The following RAPGEF4 variants were observed in gnomAD, a reference collection of about 807,000 sequenced individuals.
RAPGEF4 encodes the protein RAP guanine-nucleotide-exchange factor (GEF) 4.
In RAPGEF4, 66 loss-of-function variants were observed where a neutral mutation model predicts 147.9. That is an observed-to-expected ratio of 0.45 (90% CI 0.37 to 0.55). RAPGEF4 has a LOEUF of 0.55. Among genes scored for constraint, RAPGEF4 ranks in the 20% least tolerant of loss-of-function variants. RAPGEF4 has a pLI of 0.00. For missense variants in RAPGEF4, 1,071 were observed against 1,257.3 expected (o/e 0.85, Z 2.24); for synonymous variants, 419 against 442.7 (o/e 0.95, Z 0.67).
chr2:172,947,297 A>G (rs779713875), intron 6 of RAPGEF4, among the ~76,000 whole-genome samples: 1 of 152,224 alleles, frequency 6.6e-6, no homozygotes, highest in Non-Finnish European at 1.5e-5. Flanking sequence ...TTAATAACAT[A>G]TGGACTTCAA....
chr2:172,914,161 G>A lies in RAPGEF4; in HGVS notation c.445-3641G>A, dbSNP rs185909490. ...TCATCGTCTCAGAAAATAACCCAGT[G>A]TCCTCTACTAATGGACATTTGAGTA... On this transcript the variant is annotated intron_variant, in intron 4 of 30. Transcript: ENST00000397081. 3.3e-3 allele frequency among the ~76,000 whole-genome samples: 497 copies of A among 152,064 alleles called. 3 individuals carry two copies. Among genetic ancestry groups the A allele is most frequent in the Non-Finnish European group, 4.6e-3 (315 of 68,008 alleles).
chr2:172,756,865 C>G (rs1695828183), intron 1 of RAPGEF4, among the ~76,000 whole-genome samples: 1 of 152,190 alleles, frequency 6.6e-6, no homozygotes. Context: ...CAGAGTGAAA[C>G]TCACAGAGTT....
chr2:173,004,949 C>T (rs1396968842), intron 17 of RAPGEF4, among the ~76,000 whole-genome samples: 1 of 151,670 alleles, frequency 6.6e-6, no homozygotes, highest in African/African-American at 2.4e-5. Flanking sequence ...TTTCCATAAA[C>T]ATTTACTGAC....
intron 9 of RAPGEF4, among the ~76,000 whole-genome samples, chr2:172,966,379 T>G (rs1689845487): frequency 6.6e-6 from 1 of 152,242 alleles, no homozygotes; most frequent in South Asian, 2.1e-4. Context: ...TGCATACATG[T>G]CACCTGGGAC....
Position 172,814,396 on chromosome 2 carries a change from G to A in RAPGEF4, c.415G>A (p.Glu139Lys), listed in dbSNP as rs377537434. Residue 139 changes from glutamate (E) to lysine (K), a missense_variant, in exon 4 of 31, where the codon GAG becomes AAG. Physicochemically the swap from Glu to Lys is moderately conservative, Grantham distance 56. Transcript: ENST00000397081. ...GGAGAGCAGTGAACTGCTCCGCATC[G>A]AGCAGAAGGACTTCAAGGCACTATG... ...TRESSELLRI[E>K]QKDFKALWEK... The A allele has an allele frequency of 4.5e-5, 73 of 1,614,154 alleles. No homozygotes were observed. Among genetic ancestry groups the A allele is most frequent in the South Asian group, 7.7e-5 (7 of 91,076 alleles).
intron 1 of RAPGEF4, among the ~76,000 whole-genome samples, chr2:172,789,864 T>C (rs1023540516): frequency 6.6e-6 from 1 of 152,244 alleles, no homozygotes; most frequent in Non-Finnish European, 1.5e-5. Context: ...ATTTATCTAC[T>C]GATAGGCATT....
At chr2:172,923,295 G>A (rs1353923719) in intron 6 of RAPGEF4, among the ~76,000 whole-genome samples, 2 of 152,118 alleles carry the variant, frequency 1.3e-5, no homozygotes, top group Non-Finnish European at 2.9e-5. Context: ...TTGTGATGGA[G>A]TCTCACTCTG....
At chr2:172,984,883 T>G (rs1378873846) in intron 11 of RAPGEF4, among the ~76,000 whole-genome samples, 1 of 152,114 alleles carries the variant, frequency 6.6e-6, no homozygotes, top group Non-Finnish European at 1.5e-5. Context: ...CTTAGGAAGA[T>G]AGAGCCATGA....
intron 6 of RAPGEF4, among the ~76,000 whole-genome samples, chr2:172,944,853 T>C (rs1281512340): frequency 6.6e-6 from 1 of 152,168 alleles, no homozygotes; most frequent in Non-Finnish European, 1.5e-5. Flanking sequence ...TCATTGTACT[T>C]GCAGATGTTG....
chr2:172,842,416 G>A (rs758060758), intron 4 of RAPGEF4, among the ~76,000 whole-genome samples: 1 of 152,188 alleles, frequency 6.6e-6, no homozygotes, highest in Admixed American at 6.5e-5. Flanking sequence ...CAAATGTAGT[G>A]CCTTGAAACA....
chr2:173,025,932 A>G (rs1490311120), intron 23 of RAPGEF4, among the ~76,000 whole-genome samples: 4 of 152,268 alleles, frequency 2.6e-5, no homozygotes, highest in African/African-American at 4.8e-5. Context: ...GGTCTTCCAG[A>G]AAGTAGCAGA....
intron 15 of RAPGEF4, among the ~76,000 whole-genome samples, chr2:172,995,371 C>T (rs1693247762): frequency 6.6e-6 from 1 of 151,706 alleles, no homozygotes; most frequent in Non-Finnish European, 1.5e-5. Context: ...CCTCCGCCTC[C>T]CGGGTTCAAG....
At chr2:172,743,785 C>G (rs1198479040) in intron 1 of RAPGEF4, among the ~76,000 whole-genome samples, 3 of 152,160 alleles carry the variant, frequency 2.0e-5, no homozygotes, top group Non-Finnish European at 4.4e-5. Flanking sequence ...GAGTTACTAC[C>G]CGAGGCCCGG....
intron 4 of RAPGEF4, among the ~76,000 whole-genome samples, chr2:172,868,249 A>G (rs868863930): frequency 3.3e-5 from 5 of 152,182 alleles, no homozygotes; most frequent in African/African-American, 9.7e-5. Flanking sequence ...TATTCACCCA[A>G]CTCATATCCT....
At chr2:172,844,178 C>G (rs908522738) in intron 4 of RAPGEF4, among the ~76,000 whole-genome samples, 24 of 152,196 alleles carry the variant, frequency 1.6e-4, no homozygotes, top group African/African-American at 5.5e-4. Context: ...CGTGTCCAGA[C>G]TTGGGGACTT....
chr2:172,900,426 G>T (rs1293224746), intron 4 of RAPGEF4, among the ~76,000 whole-genome samples: 2 of 152,122 alleles, frequency 1.3e-5, no homozygotes, highest in Non-Finnish European at 2.9e-5. Context: ...TTTTTGTAGA[G>T]ATGGGTCTTG....
intron 1 of RAPGEF4, among the ~76,000 whole-genome samples, chr2:172,766,783 C>G (rs866410925): frequency 1.3e-5 from 2 of 152,128 alleles, no homozygotes; most frequent in African/African-American, 4.8e-5. Context: ...TTAATAGATA[C>G]TCTTTTCTGT....
intron 4 of RAPGEF4, among the ~76,000 whole-genome samples, chr2:172,888,974 C>G (rs1436597381): frequency 6.6e-6 from 1 of 152,126 alleles, no homozygotes; most frequent in Non-Finnish European, 1.5e-5. Context: ...TAAAGGTGAA[C>G]TTTAATTGAC....
At chr2:172,885,090 C>T (rs1029979151) in intron 4 of RAPGEF4, among the ~76,000 whole-genome samples, 1 of 152,222 alleles carries the variant, frequency 6.6e-6, no homozygotes, top group Non-Finnish European at 1.5e-5. Flanking sequence ...GGGATATTCA[C>T]AGCCCAACAA....
Sources: allele counts gnomAD v4.1 joint callset (sites outside exome capture counted in the v4.1 genomes callset), GRCh38; gene constraint gnomAD v4.1.1; transcripts MANE v1.5; gene names NCBI Gene and HGNC (gene_info 2026-07-23, HGNC 2026-07-21).